The following PZP variants were observed in gnomAD, a reference collection of about 807,000 sequenced individuals.
The protein encoded by PZP is PZP alpha-2-macroglobulin like.
A neutral mutation model predicts 179.8 loss-of-function variants in PZP; 150 were observed. That is an observed-to-expected ratio of 0.83 (90% CI 0.73 to 0.96). The LOEUF (loss-of-function observed/expected upper bound fraction) is 0.96. Ranked by LOEUF, PZP falls within the 40% of genes least tolerant of loss-of-function variation. PZP has a pLI of 0.00. For synonymous variants in PZP, 624 were observed against 652.3 expected (o/e 0.96, Z 0.66); for missense variants, 1,689 against 1,764.0 (o/e 0.96, Z 0.76).
intron 5 of PZP, 116 bp from the exon 6 acceptor site, chr12:9,201,176 GA>G: frequency 7.1e-7 from 1 of 1,417,770 alleles, no homozygotes; most frequent in Non-Finnish European, 9.7e-7. Flanking sequence ...AATACAGAAG[GA>G]AGAGAAAATA....
At chr12:9,202,283 T>C in intron 4 of PZP, 36 bp downstream of exon 4, 2 of 1,555,622 alleles carry the variant, frequency 1.3e-6, no homozygotes, top group East Asian at 2.2e-5. Context: ...ATTCCCACTC[T>C]ACCCACAACC....
intron 23 of PZP, 46 bp from the exon 24 acceptor site, chr12:9,160,536 A>T (rs376821017): frequency 2.2e-5 from 34 of 1,562,572 alleles, no homozygotes; most frequent in Non-Finnish European, 2.9e-5. Flanking sequence ...TCAGTTCATA[A>T]ATAGCCAACA....
intron 28 of PZP, among the ~76,000 whole-genome samples, chr12:9,156,589 A>T (rs2120591457): frequency 6.6e-6 from 1 of 152,350 alleles, no homozygotes; most frequent in Non-Finnish European, 1.5e-5. Context: ...GAGAGAAATC[A>T]TGAGAAAATG....
At chr12:9,183,294 C>T (rs1942892169) in intron 13 of PZP, among the ~76,000 whole-genome samples, 1 of 152,168 alleles carries the variant, frequency 6.6e-6, no homozygotes, top group South Asian at 2.1e-4. Flanking sequence ...GCCACACATA[C>T]ACAAATGAGT....
rs1178385455 is a variant in PZP, at chr12:9,157,673, A to C, written c.3369+94T>G. On this transcript the variant is annotated intron_variant, in intron 27 of 35. Transcript: ENST00000261336. ...TGAGAAATCCCTCATCATTGAACCA[A>C]AAGATACTTGAGACTCAACCCTTAG... 7.8e-6 allele frequency: 9 copies of C among 1,160,616 alleles called. No individual in the cohort carries two copies. The East Asian group carries it at 2.1e-4, about 28-fold the overall frequency. The allele number at this position is 1,160,616 out of a possible 1,614,324, so 71.9% of individuals were successfully genotyped here.
In PZP at chr12:9,202,650, A is replaced by G; in HGVS notation, c.302T>C (p.Phe101Ser). Residue 101 changes from phenylalanine to serine, a missense_variant, in exon 3 of 36, where the codon TTC becomes TCC. Around this residue, in one of 3 missense-constraint regions of PZP, gnomAD observed 742 missense variants for 730.5 expected, o/e 1.02. Coordinates refer to ENST00000261336, the MANE Select transcript of PZP (RefSeq NM_002864.3). The stretch of plus-strand genomic sequence containing the variant: ...AGGCCCCTTTATCTGGATGCTAAGG[A>G]ATGCCACCTCTGAAGAGGCTGAGAT... ...PRISASSEVA[F>S]LSIQIKGPTQ... The G allele has an allele frequency of 1.2e-6, 2 of 1,614,106 alleles. No individual in the cohort carries two copies. Among genetic ancestry groups the G allele is most frequent in the Non-Finnish European group, 1.7e-6 (2 of 1,179,986 alleles).
In PZP at chr12:9,192,275, G is replaced by A. The variant is rs758114602; in HGVS notation, c.1483-19C>T. The A allele has an allele frequency of 1.2e-6, 2 of 1,612,012 alleles. No individual in the cohort carries two copies. Among genetic ancestry groups the A allele is most frequent in the Non-Finnish European group, 8.5e-7 (1 of 1,178,202 alleles). ...CCATGATCTGAAATGAAAAAACAGT[G>A]AAGGAAATTTCTTGAGCTGGACACA... On this transcript the variant is annotated intron_variant, in intron 12 of 35. Coordinates refer to ENST00000261336, the MANE Select transcript of PZP (RefSeq NM_002864.3).
In PZP at chr12:9,157,216, C is replaced by T. The variant is rs750952626; in HGVS notation, c.3509G>A (p.Arg1170Lys). The change falls in exon 28 of 36, where the codon AGA becomes AAA. Residue 1170 changes from arginine to lysine, a missense_variant. Physicochemically the swap from Arg to Lys is conservative, Grantham distance 26. Transcript: ENST00000261336. The stretch of plus-strand genomic sequence containing the variant: ...CTTATCAAGTGAGTTCAGTATTTCT[C>T]TATTCTGATTTTGCTTTCCCAGTAG... ...FSLLGKQNQN[R>K]EILNSLDKEA... is the part of the protein sequence containing the mutation. 4 of 1,614,118 alleles carry T rather than the reference C, an allele frequency of 2.5e-6. No homozygotes were observed. The South Asian group carries it at 3.3e-5, about 13-fold the overall frequency.
intron 28 of PZP, among the ~76,000 whole-genome samples, chr12:9,155,500 T>C (rs1253042737): frequency 6.6e-6 from 1 of 152,136 alleles, no homozygotes; most frequent in Non-Finnish European, 1.5e-5. Context: ...TTATTGTTGT[T>C]GTTGTTGTTG....
At chr12:9,204,071 A>G (rs1017286048) in intron 1 of PZP, 120 bp from the exon 2 acceptor site, 23 of 1,022,954 alleles carry the variant, frequency 2.2e-5, no homozygotes, top group African/African-American at 3.3e-5. Context: ...CTAAAAGTCA[A>G]TGGACTAAGT....
At chr12:9,163,617 C>T (rs374989705) in intron 21 of PZP, 51 bp downstream of exon 21, 52 of 1,593,294 alleles carry the variant, frequency 3.3e-5, no homozygotes, top group Non-Finnish European at 3.9e-5. Flanking sequence ...CAAGAGTGAC[C>T]GCCCGGTGTT....
intron 13 of PZP, among the ~76,000 whole-genome samples, chr12:9,191,727 C>T (rs1169693180): frequency 6.6e-6 from 1 of 152,082 alleles, no homozygotes; most frequent in Non-Finnish European, 1.5e-5. Context: ...TCTTGGTTCC[C>T]CAGGCCTCAA....
chr12:9,177,380 C>A (rs1157713458), intron 15 of PZP, among the ~76,000 whole-genome samples: 2 of 152,212 alleles, frequency 1.3e-5, no homozygotes, highest in African/African-American at 2.4e-5. Context: ...CTTCCAACCT[C>A]TGTCAAGCTG....
chr12:9,160,710 C>T (rs995176509), intron 23 of PZP, among the ~76,000 whole-genome samples: 5 of 151,980 alleles, frequency 3.3e-5, no homozygotes, highest in African/African-American at 9.7e-5. Context: ...GTCAGGATAT[C>T]GAGACCATCC....
intron 12 of PZP, 111 bp downstream of exon 12, chr12:9,192,401 C>G: frequency 7.8e-7 from 1 of 1,280,048 alleles, no homozygotes; most frequent in East Asian, 2.4e-5. Flanking sequence ...GGACGCACAA[C>G]AAGAACACAA....
At chr12:9,200,858 A>C (rs752983305) in intron 6 of PZP, 34 bp downstream of exon 6, 1 of 1,586,040 alleles carries the variant, frequency 6.3e-7, no homozygotes, top group Middle Eastern at 1.7e-4. Context: ...AGGAACCAAA[A>C]TGTTATGCCT....
At chr12:9,150,200 A>G (rs1334042594) in intron 34 of PZP, among the ~76,000 whole-genome samples, 2 of 152,228 alleles carry the variant, frequency 1.3e-5, no homozygotes, top group African/African-American at 2.4e-5. Context: ...ACTATATATT[A>G]TCATTCTTTT....
chr12:9,195,730 A>G (rs1943739119), intron 10 of PZP, among the ~76,000 whole-genome samples: 2 of 149,720 alleles, frequency 1.3e-5, no homozygotes, highest in East Asian at 3.9e-4. Context: ...CTGGGATTAT[A>G]AGCATGAGCC....
chr12:9,171,055 C>T (rs183240899), intron 15 of PZP, among the ~76,000 whole-genome samples: 1 of 152,312 alleles, frequency 6.6e-6, no homozygotes, highest in Admixed American at 6.5e-5. Flanking sequence ...CTGGGCGAGA[C>T]CTCCCAATGA....
Sources: gnomAD v4.1 joint callset for allele counts (sites outside exome capture counted in the v4.1 genomes callset) on GRCh38, gnomAD v4.1.1 for gene constraint, gnomAD v4.1.1 regional missense constraint, MANE v1.5 for transcripts, NCBI Gene and HGNC (gene_info 2026-07-23, HGNC 2026-07-21) for gene names.